The following ARHGAP26 variants were observed in gnomAD, a reference collection of about 807,000 sequenced individuals.
ARHGAP26 encodes Rho GTPase activating protein 26.
ARHGAP26 carries 38 observed loss-of-function variants against 104.8 expected under a neutral mutation model. The ratio of observed to expected loss-of-function variants is 0.36; its 90% CI spans 0.28 to 0.48. ARHGAP26 has a LOEUF of 0.48. ARHGAP26 is among the 20% of genes least tolerant of loss of function. ARHGAP26 has a pLI of 0.99. For synonymous variants in ARHGAP26, 341 were observed against 340.0 expected (o/e 1.00, Z -0.03); for missense variants, 704 against 947.9 (o/e 0.74, Z 3.38).
At chr5:143,032,563 C>T (rs1366634763) in intron 12 of ARHGAP26, among the ~76,000 whole-genome samples, 1 of 152,222 alleles carries the variant, frequency 6.6e-6, no homozygotes, top group Non-Finnish European at 1.5e-5. Flanking sequence ...CAGACTTTTT[C>T]TGTCGTTAGC....
intron 20 of ARHGAP26, among the ~76,000 whole-genome samples, chr5:143,157,566 G>A (rs58581074): frequency 0.057 from 8,713 of 152,132 alleles, 850 homozygotes; most frequent in African/African-American, 0.2. Flanking sequence ...TCCTAAATAC[G>A]TTGACCATAG....
chr5:143,102,204 C>G (rs1793351728), intron 17 of ARHGAP26, among the ~76,000 whole-genome samples: 1 of 152,140 alleles, frequency 6.6e-6, no homozygotes, highest in African/African-American at 2.4e-5. Context: ...GGGGAGACTG[C>G]TCTGCTCCAG....
At chr5:142,862,618 GT>G (rs1177413924) in intron 1 of ARHGAP26, among the ~76,000 whole-genome samples, 23 of 152,192 alleles carry the variant, frequency 1.5e-4, no homozygotes, top group Non-Finnish European at 5.9e-5. Flanking sequence ...GTTTAACCAA[GT>G]TCTGGGTTCT....
At position 143,222,671 on chromosome 5, in the gene ARHGAP26, A is replaced by T. The variant is rs373854678; in HGVS notation, c.*225A>T. ...GAAAAGAAGTCAATCAGCAGAGGAG[A>T]GCATTTGATAACTAAGAGGAAGACT... On this transcript the variant is annotated 3_prime_UTR_variant, in exon 23 of 23. Coordinates refer to ENST00000645722, the MANE Select transcript of ARHGAP26 (RefSeq NM_001135608.3). 33 of 380,104 alleles carry T rather than the reference A, an allele frequency of 8.7e-5. No homozygotes were observed. The highest frequency in any genetic ancestry group is 2.6e-4 in the East Asian group (7 of 26,950). The allele number at this position is 380,104 out of a possible 1,614,324, so 23.5% of individuals were successfully genotyped here.
chr5:143,016,496 A>G (rs1429405621), intron 12 of ARHGAP26, among the ~76,000 whole-genome samples: 3 of 152,058 alleles, frequency 2.0e-5, no homozygotes, highest in Non-Finnish European at 2.9e-5. Context: ...CAAGGTCAGG[A>G]GTTAGAGACC....
chr5:142,849,271 C>T (rs1276548187), intron 1 of ARHGAP26, among the ~76,000 whole-genome samples: 1 of 152,166 alleles, frequency 6.6e-6, no homozygotes, highest in Non-Finnish European at 1.5e-5. Flanking sequence ...CTTGTGTTCT[C>T]ACTCTTGGGT....
In ARHGAP26 at chr5:142,950,600, C is replaced by T. The variant is rs115320914; in HGVS notation, c.1107+18475C>T. 6.4e-3 allele frequency among the ~76,000 whole-genome samples: 981 copies of T among 152,172 alleles called. 12 individuals carry two copies. The highest frequency in any genetic ancestry group is 0.021 in the African/African-American group (880 of 41,518). On this transcript the variant is annotated intron_variant, in intron 11 of 22. Transcript: ENST00000645722. The stretch of plus-strand genomic sequence containing the variant: ...GGTTCCACTATTGTTATCAGAATGT[C>T]ATGTTTCCTACAGCGACACCCAATT...
At chr5:143,109,842 C>A (rs893875440) in intron 17 of ARHGAP26, among the ~76,000 whole-genome samples, 1 of 152,152 alleles carries the variant, frequency 6.6e-6, no homozygotes, top group Admixed American at 6.5e-5. Context: ...AATACTGTTA[C>A]CCCTCTGATC....
At chr5:143,170,347 C>G (rs1217893812) in intron 20 of ARHGAP26, 5 of 152,210 alleles carry the variant, frequency 3.3e-5, no homozygotes, top group Non-Finnish European at 7.3e-5. Context: ...AACAGTGGGG[C>G]AGCCAGCATC....
At chr5:143,133,436 G>A (rs1373297268) in intron 18 of ARHGAP26, among the ~76,000 whole-genome samples, 1 of 152,212 alleles carries the variant, frequency 6.6e-6, no homozygotes, top group Non-Finnish European at 1.5e-5. Flanking sequence ...ACTAGAAAAG[G>A]ATGCTGCAGC....
At chr5:142,996,798 A>G (rs1040438546) in intron 11 of ARHGAP26, among the ~76,000 whole-genome samples, 2 of 152,192 alleles carry the variant, frequency 1.3e-5, no homozygotes, top group Non-Finnish European at 2.9e-5. Context: ...GTGGGGCACC[A>G]TCTGCATGGA....
intron 17 of ARHGAP26, among the ~76,000 whole-genome samples, chr5:143,108,463 A>G (rs980903321): frequency 1.3e-5 from 2 of 152,172 alleles, no homozygotes; most frequent in Non-Finnish European, 2.9e-5. Context: ...TTCTAATCAA[A>G]TATCCAAACA....
chr5:143,195,923 G>A (rs1806755420), intron 20 of ARHGAP26, among the ~76,000 whole-genome samples: 1 of 151,788 alleles, frequency 6.6e-6, no homozygotes, highest in South Asian at 2.1e-4. Flanking sequence ...GGGATATAGG[G>A]GAATTCTGTA....
intron 9 of ARHGAP26, among the ~76,000 whole-genome samples, chr5:142,908,498 G>A (rs1052763009): frequency 6.6e-6 from 1 of 152,100 alleles, no homozygotes; most frequent in Non-Finnish European, 1.5e-5. Context: ...TAGCAAGTTT[G>A]GGCTTCCTCA....
intron 17 of ARHGAP26, among the ~76,000 whole-genome samples, chr5:143,088,274 A>G (rs1013430997): frequency 3.3e-5 from 5 of 152,228 alleles, no homozygotes; most frequent in African/African-American, 1.2e-4. Flanking sequence ...CTATGTGTGC[A>G]GTGACCACCT....
chr5:143,218,277 T>C (rs1487453039), intron 22 of ARHGAP26, among the ~76,000 whole-genome samples: 5 of 152,252 alleles, frequency 3.3e-5, no homozygotes, highest in South Asian at 4.1e-4. Flanking sequence ...CCCACTGCTC[T>C]AGTCTTTCTC....
intron 17 of ARHGAP26, among the ~76,000 whole-genome samples, chr5:143,095,779 GC>G (rs1404695058): frequency 2.6e-5 from 4 of 152,090 alleles, no homozygotes; most frequent in African/African-American, 9.7e-5. Flanking sequence ...CACCATGTTG[GC>G]CAGGCTGTCT....
Position 143,147,235 on chromosome 5 carries a change from A to G in ARHGAP26, c.1842A>G (p.Glu614=). The G allele has an allele frequency of 6.2e-7, 1 of 1,613,900 alleles. No individual in the cohort carries two copies. Residue 614 remains glutamate, a synonymous_variant, in exon 20 of 23, where the codon GAA becomes GAG. Coordinates refer to ENST00000645722, the MANE Select transcript of ARHGAP26 (RefSeq NM_001135608.3). ...FHTVQSTEKQ[E]QRNSIINSSL... ...CTTGTGGCTTTTCCCCCCCAGAGGAACAAAGGAACAGCATCATCAACTCCA... is the reference window on the plus strand; with the variant it reads ...CTTGTGGCTTTTCCCCCCCAGAGGAGCAAAGGAACAGCATCATCAACTCCA...
chr5:142,808,725 CATCT>C (rs1329273969), intron 1 of ARHGAP26, among the ~76,000 whole-genome samples: 1 of 152,068 alleles, frequency 6.6e-6, no homozygotes, highest in Non-Finnish European at 1.5e-5. Flanking sequence ...GAGCATGGTC[CATCT>C]GTTTGGGACT....
Sources: allele counts gnomAD v4.1 joint callset (sites outside exome capture counted in the v4.1 genomes callset), GRCh38; gene constraint gnomAD v4.1.1; transcripts MANE v1.5; gene names NCBI Gene and HGNC (gene_info 2026-07-23, HGNC 2026-07-21).